The following WDR90 variants were observed in gnomAD, a reference collection of about 807,000 sequenced individuals.
WDR90 encodes the protein WD repeat domain 90, also known as WD repeat-containing protein 90.
WDR90 carries 238 observed loss-of-function variants against 195.2 expected under a neutral mutation model. The ratio of observed to expected loss-of-function variants is 1.22; its 90% confidence interval spans 1.10 to 1.36. WDR90 has a LOEUF of 1.36. Ranked by LOEUF, WDR90 falls within the 40% of genes most tolerant of loss-of-function variation. The pLI, the probability that WDR90 is intolerant of heterozygous loss-of-function variation, is 0.00. For synonymous variants in WDR90, 1,265 were observed against 1,052.4 expected, an observed-to-expected ratio of 1.20 and a Z score of -3.91; for missense variants, 2,734 against 2,439.5, an observed-to-expected ratio of 1.12 and a Z score of -2.54.
intron 27 of WDR90, 29 bp downstream of exon 27, chr16:660,190 T>C: frequency 6.8e-7 from 1 of 1,481,192 alleles, no homozygotes; most frequent in African/African-American, 1.4e-5. Context: ...GAGCCCTCTT[T>C]ATCCCCAGCA....
chr16:658,101 G>A, intron 21 of WDR90, 82 bp from the exon 22 acceptor site: 2 of 1,534,680 alleles, frequency 1.3e-6, no homozygotes, highest in South Asian at 2.5e-5. Context: ...GTGTCCCCGG[G>A]ACCTCCCTCC....
At chr16:654,696 C>T in intron 13 of WDR90, 1 of 343,740 alleles carries the variant, frequency 2.9e-6, no homozygotes, top group Middle Eastern at 8.8e-4. Flanking sequence ...GCAGTCCTCC[C>T]ACCTCAGCCT....
intron 13 of WDR90, chr16:654,179 G>A (rs2037699675): frequency 6.9e-6 from 2 of 290,048 alleles, no homozygotes; most frequent in East Asian, 1.3e-4. Flanking sequence ...CGGCATCTTG[G>A]TGGGGGCACC....
chr16:650,607 C>G lies in WDR90; in HGVS notation c.457C>G (p.Leu153Val), dbSNP rs1269774202. Reference protein sequence around the residue: ...CLQLDLQDVLLVYLNRCYGHL... With the variant: ...CLQLDLQDVLVVYLNRCYGHL... ...GCAGCTCGATCTGCAGGACGTTCTC[C>G]TGGTCTACCTGAACCGGTGCTACGG... Residue 153 changes from leucine (L) to valine (V), a missense_variant, in exon 5 of 41, where the codon CTG becomes GTG. Transcript: ENST00000293879. The G allele has an allele frequency of 6.2e-7, 1 of 1,612,816 alleles. No homozygotes were observed. The highest frequency in any genetic ancestry group is 2.2e-5 in the East Asian group (1 of 44,872).
At chr16:655,727 C>T in intron 16 of WDR90, 24 bp downstream of exon 16, 1 of 1,582,368 alleles carries the variant, frequency 6.3e-7, no homozygotes. Flanking sequence ...CACCACGTGG[C>T]CAGGGTGGCA....
At chr16:652,774 C>T (rs552496755) in intron 10 of WDR90, among the ~76,000 whole-genome samples, 22 of 152,328 alleles carry the variant, frequency 1.4e-4, no homozygotes, top group Admixed American at 5.2e-4. Flanking sequence ...TCACGGGCAT[C>T]TCTTACTCAC....
intron 34 of WDR90, among the ~76,000 whole-genome samples, chr16:664,094 G>T (rs927475640): frequency 1.2e-4 from 18 of 152,208 alleles, no homozygotes; most frequent in Non-Finnish European, 4.4e-5. Context: ...TTTTCTGGAA[G>T]CAGGTTTGCT....
chr16:662,450 C>T, intron 33 of WDR90, 119 bp downstream of exon 33: 2 of 1,332,644 alleles, frequency 1.5e-6, no homozygotes, highest in East Asian at 2.5e-5. Context: ...GCCTGCTAGC[C>T]CCTCCAAGGG....
At chr16:662,099 T>A in intron 32 of WDR90, 40 bp downstream of exon 32, 1 of 1,582,518 alleles carries the variant, frequency 6.3e-7, no homozygotes, top group Non-Finnish European at 8.6e-7. Context: ...TCAGGACCCC[T>A]ACCTGGGATC....
chr16:651,164 G>T, intron 6 of WDR90, 35 bp from the exon 7 acceptor site: 2 of 1,613,154 alleles, frequency 1.2e-6, no homozygotes, highest in Non-Finnish European at 8.5e-7. Context: ...TGGCCCTTGG[G>T]CCCCCAGACA....
intron 34 of WDR90, chr16:663,505 T>C: frequency 1.0e-5 from 2 of 199,426 alleles, no homozygotes; most frequent in South Asian, 1.5e-4. Context: ...CTTTGCTGAC[T>C]CAGTCTCATG....
At chr16:667,288 C>T (rs2038113767) in intron 40 of WDR90, 144 bp from the exon 41 acceptor site, 3 of 1,138,400 alleles carry the variant, frequency 2.6e-6, no homozygotes, top group South Asian at 1.6e-5. Context: ...CCCAGTGGCA[C>T]GTGGAGGGCA....
intron 24 of WDR90, 37 bp downstream of exon 24, chr16:659,048 C>G: frequency 1.2e-6 from 2 of 1,613,244 alleles, no homozygotes; most frequent in Non-Finnish European, 1.7e-6. Flanking sequence ...GCCTAGGCCC[C>G]CCAGGCCCTC....
At chr16:664,023 A>G (rs1458562940) in intron 34 of WDR90, among the ~76,000 whole-genome samples, 1 of 152,110 alleles carries the variant, frequency 6.6e-6, no homozygotes, top group Non-Finnish European at 1.5e-5. Context: ...TGTCTTTAGT[A>G]TTTGGAGATG....
chr16:652,519 G>T lies in WDR90; in HGVS notation c.1106G>T (p.Gly369Val). The T allele has an allele frequency of 6.2e-7, 1 of 1,609,694 alleles. No individual in the cohort carries two copies. Residue 369 changes from glycine to valine, a missense_variant, in exon 10 of 41, where the codon GGC becomes GTC. By Grantham distance (109) the Gly-to-Val change is moderately radical. Transcript: ENST00000293879. ...LRLKGVIGFG[G>V]HGTRQALWTP... Reference sequence around the variant, plus strand: ...CTCAAGGGCGTCATCGGCTTTGGGGGCCACGGCACCAGACAGGTGAGGCTC... The same window carrying T: ...CTCAAGGGCGTCATCGGCTTTGGGGTCCACGGCACCAGACAGGTGAGGCTC...
At chr16:666,877 C>A in intron 39 of WDR90, 28 bp from the exon 40 acceptor site, 7 of 1,613,002 alleles carry the variant, frequency 4.3e-6, no homozygotes, top group Non-Finnish European at 5.9e-6. Context: ...AGCCCACAGG[C>A]CTGGAGCCTC....
At chr16:666,196 C>T (rs936201791) in intron 36 of WDR90, 24 bp from the exon 37 acceptor site, 2 of 1,607,814 alleles carry the variant, frequency 1.2e-6, no homozygotes, top group Non-Finnish European at 1.7e-6. Context: ...GCTGGGGGCT[C>T]ACAGGGTGAC....
chr16:657,348 G>A (rs1403088668), intron 20 of WDR90, 127 bp downstream of exon 20: 1 of 1,363,418 alleles, frequency 7.3e-7, no homozygotes. Flanking sequence ...GGGGGGGCGT[G>A]GCCGCCTCAG....
At chr16:649,552 TC>T in intron 1 of WDR90, 126 bp downstream of exon 1, 2 of 1,226,508 alleles carry the variant, frequency 1.6e-6, no homozygotes, top group Non-Finnish European at 2.1e-6. Context: ...TCAGGCAGGG[TC>T]CCGTCTGCCG....
Sources: gnomAD v4.1 joint callset for allele counts (sites outside exome capture counted in the v4.1 genomes callset) on GRCh38, gnomAD v4.1.1 for gene constraint, MANE v1.5 for transcripts, NCBI Gene and HGNC (gene_info 2026-07-23, HGNC 2026-07-21) for gene names.